Variants in TMC5 observed in about 807,000 individuals in gnomAD.
TMC5 encodes the protein transmembrane channel like 5, also known as transmembrane channel-like protein 5.
In TMC5, 86 loss-of-function variants were observed where a neutral mutation model predicts 110.5. The ratio of observed to expected loss-of-function variants is 0.78; its 90% confidence interval spans 0.65 to 0.93. The LOEUF is 0.93. Ranked by LOEUF, TMC5 falls within the 40% of genes least tolerant of loss-of-function variation. TMC5 has a pLI of 0.00. For synonymous variants in TMC5, 455 were observed against 439.5 expected, an observed-to-expected ratio of 1.04 and a Z score of -0.44; for missense variants, 1,144 against 1,222.8, an observed-to-expected ratio of 0.94 and a Z score of 0.96.
intron 1 of TMC5, among the ~76,000 whole-genome samples, chr16:19,419,405 T>TTGG (rs1966929475): frequency 2.7e-5 from 3 of 109,186 alleles, no homozygotes; most frequent in African/African-American, 1.5e-4. Context: ...TGTGTTGGTT[T>TTGG]TTTTTTTTTT....
intron 18 of TMC5, among the ~76,000 whole-genome samples, chr16:19,490,778 TTTCTC>T (rs1968875066): frequency 1.4e-5 from 2 of 138,092 alleles, no homozygotes; most frequent in African/African-American, 2.7e-5. Context: ...CTTTTTTTCT[TTTCTC>T]TTCTCTTCCC....
chr16:19,414,800 C>A (rs1032796630), upstream of TMC5, among the ~76,000 whole-genome samples: 7 of 150,740 alleles, frequency 4.6e-5, no homozygotes, highest in Non-Finnish European at 8.9e-5. Flanking sequence ...AGTCCCAGAG[C>A]CTTGGGAAGC....
In TMC5 at chr16:19,444,261, G is replaced by A. The variant is rs1289262926; in HGVS notation, c.958+11G>A. ...CTGGAAGTGGCTATGGTAAGCATTT[G>A]TTAAGCCAGGATCATATCCTGGGAA... On this transcript the variant is annotated intron_variant, in intron 4 of 21. Transcript: ENST00000542583. 7 of 1,612,940 alleles carry A rather than the reference G, an allele frequency of 4.3e-6. No individual in the cohort carries two copies. Among genetic ancestry groups the A allele is most frequent in the Non-Finnish European group, 5.9e-6 (7 of 1,179,716 alleles).
At chr16:19,496,403 GA>G (rs1355576247) in intron 20 of TMC5, among the ~76,000 whole-genome samples, 1 of 152,118 alleles carries the variant, frequency 6.6e-6, no homozygotes, top group Non-Finnish European at 1.5e-5. Context: ...ACTTATGTTG[GA>G]AATTGTGATC....
At chr16:19,422,290 AG>A (rs1021412905) in intron 1 of TMC5, among the ~76,000 whole-genome samples, 1 of 151,750 alleles carries the variant, frequency 6.6e-6, no homozygotes, top group Non-Finnish European at 1.5e-5. Context: ...AGATATTTAA[AG>A]GGGGGGAAAA....
intron 9 of TMC5, among the ~76,000 whole-genome samples, chr16:19,466,920 T>A (rs1968204907): frequency 6.6e-6 from 1 of 152,078 alleles, no homozygotes; most frequent in Non-Finnish European, 1.5e-5. Flanking sequence ...TGATGCAGGC[T>A]GATCACTTGA....
chr16:19,463,560 A>G (rs1371910802), intron 7 of TMC5, among the ~76,000 whole-genome samples, 193 bp downstream of exon 7: 2 of 152,240 alleles, frequency 1.3e-5, no homozygotes, highest in East Asian at 1.9e-4. Context: ...TCATTGGCCA[A>G]CTTGGCCATT....
upstream of TMC5, among the ~76,000 whole-genome samples, chr16:19,416,116 C>T (rs1308166909): frequency 6.6e-6 from 1 of 151,194 alleles, no homozygotes; most frequent in Non-Finnish European, 1.5e-5. Flanking sequence ...GCCCAACAGT[C>T]AGAGGCTGCA....
At chr16:19,465,057 TTTC>T (rs1968141628) in intron 8 of TMC5, among the ~76,000 whole-genome samples, 1 of 110,856 alleles carries the variant, frequency 9.0e-6, no homozygotes, top group African/African-American at 4.7e-5. Context: ...CTTTCTTTCT[TTTC>T]CTTCCTTCCT....
intron 5 of TMC5, chr16:19,456,547 G>T: frequency 7.0e-7 from 1 of 1,422,308 alleles, no homozygotes; most frequent in Non-Finnish European, 9.2e-7. Flanking sequence ...GGTGGCTTTG[G>T]TGAGCTCATC....
At chr16:19,485,936 T>TGGGGGAGGAAGAAGGAGAG (rs1394595422) in intron 15 of TMC5, among the ~76,000 whole-genome samples, 2 of 152,078 alleles carry the variant, frequency 1.3e-5, no homozygotes, top group Non-Finnish European at 2.9e-5. Flanking sequence ...TTGAATACCA[T>TGGGGGAGGAAGAAGGAGAG]GGGGGAGGAA....
In TMC5 at chr16:19,498,045, C is replaced by A; in HGVS notation, c.*79C>A. On this transcript the variant is annotated 3_prime_UTR_variant, in exon 22 of 22. Transcript: ENST00000542583. ...AATGATTTCTTCCATGCCACCTGTG[C>A]CTTTAGGAACTGCCCAGAAGAAAAT... is the stretch of plus-strand genomic sequence containing the variant. 5 of 1,372,124 alleles carry A rather than the reference C, an allele frequency of 3.6e-6. No individual in the cohort carries two copies. Among genetic ancestry groups the A allele is most frequent in the South Asian group, 1.2e-5 (1 of 86,170 alleles). The allele number at this position is 1,372,124 out of a possible 1,614,324, so 85.0% of individuals were successfully genotyped here.
chr16:19,459,640 G>A (rs1048226324), intron 5 of TMC5, among the ~76,000 whole-genome samples: 1 of 152,066 alleles, frequency 6.6e-6, no homozygotes, highest in African/African-American at 2.4e-5. Flanking sequence ...AAATTAGCTG[G>A]TTGTCGTGGT....
intron 1 of TMC5, among the ~76,000 whole-genome samples, chr16:19,428,785 G>A (rs1386067679): frequency 6.6e-6 from 1 of 151,970 alleles, no homozygotes; most frequent in East Asian, 1.9e-4. Context: ...AGGACAAGAG[G>A]ATGACTATTT....
intron 1 of TMC5, among the ~76,000 whole-genome samples, chr16:19,428,662 A>ATT (rs527269313): frequency 7.2e-5 from 11 of 152,266 alleles, no homozygotes; most frequent in Admixed American, 5.2e-4. Context: ...TTTCTCACTC[A>ATT]TTTAACAAGC....
upstream of TMC5, among the ~76,000 whole-genome samples, chr16:19,415,627 G>A (rs1034216160): frequency 6.6e-6 from 1 of 152,116 alleles, no homozygotes; most frequent in Non-Finnish European, 1.5e-5. Context: ...TTCTTGCCAG[G>A]AGCTCGTTTG....
exon 1 of TMC5, chr16:19,411,059 G>A (rs1021844034): frequency 2.6e-5 from 4 of 152,328 alleles, no homozygotes; most frequent in Admixed American, 6.5e-5. Flanking sequence ...CATTAAGAAA[G>A]CTTCCGGGGA....
chr16:19,422,991 G>T (rs998463528), intron 1 of TMC5, among the ~76,000 whole-genome samples: 4 of 152,106 alleles, frequency 2.6e-5, no homozygotes, highest in Non-Finnish European at 5.9e-5. Flanking sequence ...AGTCGTGGTG[G>T]CATGTGCCTG....
At chr16:19,457,525 T>C (rs1967909220) in intron 5 of TMC5, among the ~76,000 whole-genome samples, 1 of 152,200 alleles carries the variant, frequency 6.6e-6, no homozygotes, top group East Asian at 1.9e-4. Context: ...TTATTTTGTA[T>C]GCCTTGTGCT....
Sources: allele counts gnomAD v4.1 joint callset (sites outside exome capture counted in the v4.1 genomes callset), GRCh38; gene constraint gnomAD v4.1.1; transcripts MANE v1.5; gene names NCBI Gene and HGNC (gene_info 2026-07-23, HGNC 2026-07-21).